The following HPD variants were observed in gnomAD, a reference collection of about 807,000 sequenced individuals.
The protein encoded by HPD is 4-hydroxyphenylpyruvate dioxygenase.
A neutral mutation model predicts 56.9 loss-of-function variants in HPD; 35 were observed. The ratio of observed to expected loss-of-function variants is 0.62; its 90% CI spans 0.47 to 0.82. The LOEUF (loss-of-function observed/expected upper bound fraction) is 0.82. Among genes scored for constraint, HPD ranks in the 40% least tolerant of loss-of-function variants. HPD has a pLI of 0.00. For synonymous variants in HPD, 186 were observed against 200.2 expected (o/e 0.93, Z 0.60); for missense variants, 442 against 506.8 (o/e 0.87, Z 1.23).
chr12:121,887,033 G>A, the HPD span, among the ~76,000 whole-genome samples: 2 of 152,256 alleles, frequency 1.3e-5, no homozygotes, highest in South Asian at 2.1e-4. Context: ...CCAGGTAGCT[G>A]GGATTACAAG....
rs768524907 is a variant in HPD, at chr12:121,857,450, A to G, written c.94-18T>C. Reference sequence around the variant, plus strand: ...GACGTGGCCTGAATCACAGGGTTGCAGCAGGGTTCATGAGGGTCAAGGGGC... The same window carrying G: ...GACGTGGCCTGAATCACAGGGTTGCGGCAGGGTTCATGAGGGTCAAGGGGC... On this transcript the variant is annotated intron_variant, in intron 3 of 13. Coordinates refer to ENST00000289004, the MANE Select transcript of HPD (RefSeq NM_002150.3). 2 of 1,575,146 alleles carry G rather than the reference A, an allele frequency of 1.3e-6. No individual in the cohort carries two copies. Among genetic ancestry groups the G allele is most frequent in the Non-Finnish European group, 1.7e-6 (2 of 1,144,510 alleles).
At chr12:121,846,165 T>C (rs1252294138) in intron 11 of HPD, among the ~76,000 whole-genome samples, 1 of 152,200 alleles carries the variant, frequency 6.6e-6, no homozygotes, top group East Asian at 1.9e-4. Context: ...TCCCGTGTAG[T>C]TGGGACTACA....
chr12:121,842,079 G>A (rs1422439981), intron 12 of HPD, among the ~76,000 whole-genome samples: 1 of 152,002 alleles, frequency 6.6e-6, no homozygotes, highest in Admixed American at 6.6e-5. Flanking sequence ...AGGGGGGAAG[G>A]GAACAGAGGG....
At chr12:121,858,897 C>T, upstream of HPD, 2 of 1,583,498 alleles carry the variant, frequency 1.3e-6, no homozygotes, top group Non-Finnish European at 1.7e-6. Flanking sequence ...TAACCCCAAG[C>T]AGGTCCCGCC....
At chr12:121,850,739 G>A (rs1592919738) in intron 7 of HPD, among the ~76,000 whole-genome samples, 1 of 139,224 alleles carries the variant, frequency 7.2e-6, no homozygotes, top group Non-Finnish European at 1.5e-5. Flanking sequence ...TTGCTTGTTG[G>A]CCAGGCTAGA....
chr12:121,882,973 C>A, the HPD span, among the ~76,000 whole-genome samples: 3 of 152,058 alleles, frequency 2.0e-5, no homozygotes, highest in African/African-American at 7.2e-5. Flanking sequence ...AGTGAGCCAC[C>A]CGCCTCGGCC....
the HPD span, among the ~76,000 whole-genome samples, chr12:121,876,679 CTT>C: frequency 2.2e-4 from 34 of 152,288 alleles, no homozygotes; most frequent in African/African-American, 8.2e-4. Context: ...GGAGCACTGA[CTT>C]TCATCGTTGG....
intron 6 of HPD, among the ~76,000 whole-genome samples, chr12:121,855,839 G>A (rs555693952): frequency 4.0e-4 from 60 of 151,354 alleles, no homozygotes; most frequent in African/African-American, 9.5e-4. Flanking sequence ...GCGTGGTGGC[G>A]CATGCCTGTA....
the HPD span, among the ~76,000 whole-genome samples, chr12:121,880,746 C>A: frequency 6.6e-6 from 1 of 152,148 alleles, no homozygotes; most frequent in Non-Finnish European, 1.5e-5. Context: ...CCTGCATTGG[C>A]CTTCCAACAT....
At chr12:121,880,567 G>A in the HPD span, among the ~76,000 whole-genome samples, 2 of 152,160 alleles carry the variant, frequency 1.3e-5, no homozygotes, top group South Asian at 2.1e-4. Context: ...CAGCATGGAT[G>A]GTGATCTAGC....
intron 6 of HPD, 32 bp from the exon 7 acceptor site, chr12:121,854,824 A>C: frequency 6.5e-7 from 1 of 1,547,494 alleles, no homozygotes; most frequent in Middle Eastern, 1.7e-4. Flanking sequence ...GGAATTGGTG[A>C]GGGCTGGAGC....
At chr12:121,859,628 T>C (rs1460499556), upstream of HPD, among the ~76,000 whole-genome samples, 1 of 152,202 alleles carries the variant, frequency 6.6e-6, no homozygotes, top group African/African-American at 2.4e-5. Flanking sequence ...AACTGAGGCC[T>C]GGAGAGGTGA....
chr12:121,875,464 C>A, the HPD span, among the ~76,000 whole-genome samples: 1 of 138,906 alleles, frequency 7.2e-6, no homozygotes, highest in Non-Finnish European at 1.5e-5. Flanking sequence ...CTCACTGTGT[C>A]ACCTAGACCG....
chr12:121,840,016 T>C lies in HPD; in HGVS notation c.987A>G (p.Lys329=), dbSNP rs758576730. 4.3e-6 allele frequency: 7 copies of C among 1,613,320 alleles called. No individual in the cohort carries two copies. The highest frequency in any genetic ancestry group is 1.3e-5 in the African/African-American group (1 of 74,734). ...TGGTGAAGATCTGCAGGAGGTAGCC[T>C]TTCTCGTCGTAGTCCACCAGGATTT... ...ELKILVDYDE[K]GYLLQIFTKP... Residue 329 remains lysine (K), a synonymous_variant, in exon 13 of 14, where the codon AAA becomes AAG. Transcript: ENST00000289004.
the HPD span, among the ~76,000 whole-genome samples, chr12:121,882,780 TGC>T: frequency 6.6e-6 from 1 of 152,190 alleles, no homozygotes; most frequent in Admixed American, 6.6e-5. Flanking sequence ...CTTGCTCTGT[TGC>T]CCAGGCTGGA....
upstream of HPD, among the ~76,000 whole-genome samples, chr12:121,864,073 CAAAAAAAAA>C (rs748278452): frequency 3.6e-4 from 26 of 71,346 alleles, no homozygotes; most frequent in Admixed American, 7.8e-4. Context: ...ACTAAAAATA[CAAAAAAAAA>C]AAAAAAAAAA....
At chr12:121,887,614 T>C in the HPD span, among the ~76,000 whole-genome samples, 5 of 151,866 alleles carry the variant, frequency 3.3e-5, no homozygotes, top group Admixed American at 6.6e-5. Flanking sequence ...TCAAATGATC[T>C]GCTTGCCACA....
chr12:121,853,280 G>A (rs569597114), intron 7 of HPD, among the ~76,000 whole-genome samples: 22 of 151,986 alleles, frequency 1.4e-4, no homozygotes, highest in Non-Finnish European at 2.8e-4. Context: ...CCATGCATGC[G>A]TTTACCTATG....
the HPD span, among the ~76,000 whole-genome samples, chr12:121,881,802 A>G: frequency 6.8e-6 from 1 of 147,896 alleles, no homozygotes; most frequent in Non-Finnish European, 1.5e-5. Flanking sequence ...ATGTGCCACC[A>G]TGCTCAGCTA....
Sources: gnomAD v4.1 joint callset for allele counts (sites outside exome capture counted in the v4.1 genomes callset) on GRCh38, gnomAD v4.1.1 for gene constraint, MANE v1.5 for transcripts, NCBI Gene and HGNC (gene_info 2026-07-23, HGNC 2026-07-21) for gene names.